The following SLC36A1 variants were observed in gnomAD, a reference collection of about 807,000 sequenced individuals.
SLC36A1 encodes the protein proton-coupled amino acid transporter 1.
SLC36A1 carries 30 observed loss-of-function variants against 47.5 expected under a neutral mutation model. The ratio of observed to expected loss-of-function variants is 0.63; its 90% CI spans 0.47 to 0.86. The LOEUF is 0.86. Ranked by LOEUF, SLC36A1 falls within the 40% of genes least tolerant of loss-of-function variation. The probability of loss-of-function intolerance (pLI) is 0.00; values close to 1 mark genes in which losing one functional copy is unlikely to be tolerated. For synonymous variants in SLC36A1, 255 were observed against 249.7 expected (o/e 1.02, Z -0.20); for missense variants, 517 against 606.0 (o/e 0.85, Z 1.54).
the SLC36A1 span, among the ~76,000 whole-genome samples, chr5:151,406,945 C>T: frequency 6.6e-6 from 1 of 152,148 alleles, no homozygotes; most frequent in Non-Finnish European, 1.5e-5. Context: ...GAGTTTCTTC[C>T]TTCTGGTGGG....
At chr5:151,394,472 A>G in the SLC36A1 span, among the ~76,000 whole-genome samples, 5 of 152,148 alleles carry the variant, frequency 3.3e-5, no homozygotes, top group African/African-American at 1.2e-4. Flanking sequence ...GGAGAGGGAG[A>G]GGCTCTCTGA....
upstream of SLC36A1, among the ~76,000 whole-genome samples, chr5:151,435,375 A>G (rs72798306): frequency 0.15 from 22,088 of 152,194 alleles, 2,115 homozygotes; most frequent in East Asian, 0.38. Flanking sequence ...GAAATTGGAG[A>G]GAACTTCACT....
At chr5:151,540,025 G>T in the SLC36A1 span, among the ~76,000 whole-genome samples, 5 of 152,250 alleles carry the variant, frequency 3.3e-5, no homozygotes, top group African/African-American at 1.2e-4. Flanking sequence ...GTCTCTGTTG[G>T]TGTATTTGAT....
At chr5:151,521,901 C>T in the SLC36A1 span, 2 of 1,613,800 alleles carry the variant, frequency 1.2e-6, no homozygotes, top group East Asian at 2.2e-5. Context: ...GGCTATAGGT[C>T]AGCGTGTCCT....
chr5:151,462,856 C>T (rs1011529006), intron 2 of SLC36A1, among the ~76,000 whole-genome samples: 2 of 151,454 alleles, frequency 1.3e-5, no homozygotes, highest in Non-Finnish European at 2.9e-5. Context: ...TTGTCATCCT[C>T]TGTTGCAGTT....
At chr5:151,494,694 AT>A (rs150250430), downstream of SLC36A1, among the ~76,000 whole-genome samples, 25 of 152,318 alleles carry the variant, frequency 1.6e-4, no homozygotes, top group South Asian at 1.7e-3. Flanking sequence ...TTGTTTATCC[AT>A]TCATTAGTTG....
At chr5:151,345,321 A>C in the SLC36A1 span, among the ~76,000 whole-genome samples, 1 of 152,184 alleles carries the variant, frequency 6.6e-6, no homozygotes, top group African/African-American at 2.4e-5. Context: ...GGATTTGACA[A>C]ACCAGGGATT....
the SLC36A1 span, chr5:151,531,645 G>C: frequency 1.2e-6 from 2 of 1,613,710 alleles, no homozygotes; most frequent in Non-Finnish European, 1.7e-6. The surrounding 1 kb of genome is among the most constrained non-coding windows in gnomAD (Gnocchi z 5.7). Flanking sequence ...CGCGGTAGCC[G>C]GTCTTCTCTG....
intron 7 of SLC36A1, chr5:151,469,319 G>T (rs1757017802): frequency 8.9e-6 from 6 of 674,172 alleles, no homozygotes; most frequent in South Asian, 7.9e-5. Context: ...TTTCATTTTT[G>T]AAACATAATT....
the SLC36A1 span, among the ~76,000 whole-genome samples, chr5:151,530,251 G>GA: frequency 0.012 from 1,514 of 128,624 alleles, 17 homozygotes; most frequent in African/African-American, 0.034. Context: ...CTTAACACCA[G>GA]AAAAAAAAAA....
chr5:151,444,145 T>TA (rs1752787199), upstream of SLC36A1, among the ~76,000 whole-genome samples: 1 of 152,228 alleles, frequency 6.6e-6, no homozygotes, highest in African/African-American at 2.4e-5. Context: ...TCTTGACTAT[T>TA]CAGGGTCTTT....
chr5:151,374,206 G>A, the SLC36A1 span, among the ~76,000 whole-genome samples: 1 of 152,148 alleles, frequency 6.6e-6, no homozygotes, highest in Non-Finnish European at 1.5e-5. Flanking sequence ...GAGTCCGTCT[G>A]GGTACTAGGT....
upstream of SLC36A1, among the ~76,000 whole-genome samples, chr5:151,433,830 G>T (rs1759611090): frequency 6.6e-6 from 1 of 152,104 alleles, no homozygotes; most frequent in Non-Finnish European, 1.5e-5. Context: ...CTCAGAGTAA[G>T]AGTGAACTGG....
chr5:151,407,724 G>A, the SLC36A1 span, among the ~76,000 whole-genome samples: 3 of 152,200 alleles, frequency 2.0e-5, no homozygotes, highest in Non-Finnish European at 4.4e-5. Context: ...ATGGAAGTTG[G>A]CCTTCTGCCC....
At chr5:151,519,216 C>T in the SLC36A1 span, among the ~76,000 whole-genome samples, 6 of 152,166 alleles carry the variant, frequency 3.9e-5, no homozygotes, top group South Asian at 2.1e-4. Flanking sequence ...TGGTGGCACT[C>T]GCCTGTAATT....
At chr5:151,358,899 G>A in the SLC36A1 span, among the ~76,000 whole-genome samples, 56 of 149,392 alleles carry the variant, frequency 3.7e-4, no homozygotes, top group Non-Finnish European at 6.5e-4. Flanking sequence ...GCGTGAACCC[G>A]GGAAGCGGAG....
At chr5:151,545,439 G>A in the SLC36A1 span, 1 of 1,614,102 alleles carries the variant, frequency 6.2e-7, no homozygotes, top group African/African-American at 1.3e-5. Context: ...CTTCATCGCT[G>A]GCCCGCACCA....
At chr5:151,467,652 A>G (rs1321292890) in intron 6 of SLC36A1, 55 bp from the exon 7 acceptor site, 2 of 1,442,038 alleles carry the variant, frequency 1.4e-6, no homozygotes, top group Non-Finnish European at 1.9e-6. Flanking sequence ...CAGAGGATCC[A>G]CCGGCCTCTG....
intron 1 of SLC36A1, among the ~76,000 whole-genome samples, chr5:151,456,763 TC>T (rs1754587100): frequency 1.3e-5 from 2 of 152,196 alleles, no homozygotes; most frequent in South Asian, 4.1e-4. Context: ...TGGGGGTCCT[TC>T]CTACATTGCA....
Sources: allele counts gnomAD v4.1 joint callset (sites outside exome capture counted in the v4.1 genomes callset), GRCh38; gene constraint gnomAD v4.1.1; non-coding constraint Gnocchi (gnomAD v3.1); transcripts MANE v1.5; gene names NCBI Gene and HGNC (gene_info 2026-07-23, HGNC 2026-07-21).